Variants in RRAS2 observed in about 807,000 individuals in gnomAD.
RRAS2 encodes RAS related 2, also known as ras-related protein R-Ras2.
A neutral mutation model predicts 27.6 loss-of-function variants in RRAS2; 7 were observed. The observed-to-expected ratio is 0.25, with a 90% confidence interval of 0.14 to 0.48. The LOEUF (loss-of-function observed/expected upper bound fraction) is 0.48. Ranked by LOEUF, RRAS2 falls within the 20% of genes least tolerant of loss-of-function variation. The pLI is 0.99. For missense variants in RRAS2, 178 were observed against 256.2 expected, an observed-to-expected ratio of 0.69 and a Z score of 2.08; for synonymous variants, 86 against 90.9, an observed-to-expected ratio of 0.95 and a Z score of 0.31.
At chr11:14,341,295 T>G (rs1848700597) in intron 1 of RRAS2, among the ~76,000 whole-genome samples, 1 of 152,212 alleles carries the variant, frequency 6.6e-6, no homozygotes, top group Non-Finnish European at 1.5e-5. Context: ...AACTACATTA[T>G]GTGGGCATTT....
At position 14,316,030 on chromosome 11, in the gene RRAS2, A is replaced by C. The variant is rs1591466357; in HGVS notation, c.109-20175T>G. Among the ~76,000 whole-genome samples the C allele has an allele frequency of 3.5e-5, 4 of 114,744 alleles. No individual in the cohort carries two copies. The East Asian group carries it at 8.6e-4, about 25-fold the overall frequency. The allele number at this position is 114,744 out of a possible 152,430, so 75.3% of individuals were successfully genotyped here. On this transcript the variant is annotated intron_variant, in intron 1 of 5. Transcript: ENST00000256196. ...ATTAATTTTAAACTAATAAAAAGAC[A>C]AAAAAAACGTAGTTCAGAAGAGATT...
chr11:14,319,516 G>A (rs555928902), intron 1 of RRAS2, among the ~76,000 whole-genome samples: 25 of 151,698 alleles, frequency 1.6e-4, no homozygotes, highest in African/African-American at 6.0e-4. Context: ...CCGCCACCGC[G>A]CCCGGCTAAT....
At chr11:14,315,379 C>G (rs868945582) in intron 1 of RRAS2, among the ~76,000 whole-genome samples, 1 of 152,216 alleles carries the variant, frequency 6.6e-6, no homozygotes, top group Non-Finnish European at 1.5e-5. Context: ...GAGAAGAACA[C>G]TAGACACATT....
At chr11:14,352,933 G>C (rs1030453240) in intron 1 of RRAS2, among the ~76,000 whole-genome samples, 2 of 151,750 alleles carry the variant, frequency 1.3e-5, no homozygotes, top group Non-Finnish European at 2.9e-5. Flanking sequence ...GTAGTAGCTG[G>C]GATTGCAGGC....
At chr11:14,303,560 G>A (rs1847764681) in intron 1 of RRAS2, among the ~76,000 whole-genome samples, 1 of 152,090 alleles carries the variant, frequency 6.6e-6, no homozygotes, top group African/African-American at 2.4e-5. Flanking sequence ...GACAGAGAGA[G>A]ACCCCCATCT....
intron 1 of RRAS2, among the ~76,000 whole-genome samples, chr11:14,348,790 C>T (rs1848889485): frequency 6.6e-6 from 1 of 152,114 alleles, no homozygotes; most frequent in Non-Finnish European, 1.5e-5. Context: ...AAGGTTCCTT[C>T]CAGTAGAGAA....
At chr11:14,328,013 T>A (rs2134006146) in intron 1 of RRAS2, among the ~76,000 whole-genome samples, 1 of 152,172 alleles carries the variant, frequency 6.6e-6, no homozygotes, top group Admixed American at 6.5e-5. Flanking sequence ...CTTGACAGGA[T>A]TTTCTAAAAA....
At chr11:14,312,238 T>C (rs1847987205) in intron 1 of RRAS2, among the ~76,000 whole-genome samples, 1 of 152,166 alleles carries the variant, frequency 6.6e-6, no homozygotes, top group Non-Finnish European at 1.5e-5. Context: ...AGCATATCTA[T>C]CACAGCATAG....
chr11:14,345,437 C>G (rs1293687270), intron 1 of RRAS2, among the ~76,000 whole-genome samples: 1 of 152,100 alleles, frequency 6.6e-6, no homozygotes. Context: ...AGACAAAGCA[C>G]ACCAAATATA....
At chr11:14,305,513 T>C (rs992382172) in intron 1 of RRAS2, among the ~76,000 whole-genome samples, 2 of 152,312 alleles carry the variant, frequency 1.3e-5, no homozygotes, top group South Asian at 2.1e-4. Flanking sequence ...GGGTACCACT[T>C]GTATACCCCA....
At chr11:14,305,469 A>C (rs1405139865) in intron 1 of RRAS2, among the ~76,000 whole-genome samples, 1 of 152,178 alleles carries the variant, frequency 6.6e-6, no homozygotes, top group African/African-American at 2.4e-5. Context: ...GCCAGGCCTA[A>C]ACAAAACTTG....
chr11:14,354,179 AGAC>A lies in RRAS2; in HGVS notation c.108+4581_108+4583del, dbSNP rs1444010085. ...AAGCAATGAAAAAGTACTCAGCAAAAGACAAACTTTTAAAAAGCAATGCTGGGT... is the reference window on the plus strand; with the variant it reads ...AAGCAATGAAAAAGTACTCAGCAAAAAAACTTTTAAAAAGCAATGCTGGGT... On this transcript the variant is annotated intron_variant, in intron 1 of 5. Transcript: ENST00000256196. Among the ~76,000 whole-genome samples the A allele has an allele frequency of 1.1e-4, 16 of 152,214 alleles. 1 individual carries two copies. The highest frequency in any genetic ancestry group is 1.8e-4 in the Non-Finnish European group (12 of 68,044).
intron 1 of RRAS2, among the ~76,000 whole-genome samples, chr11:14,355,528 T>C (rs1849053805): frequency 6.6e-6 from 1 of 152,216 alleles, no homozygotes; most frequent in Non-Finnish European, 1.5e-5. Context: ...TTGTTATATT[T>C]ATTTTTAAAA....
intron 1 of RRAS2, among the ~76,000 whole-genome samples, chr11:14,313,974 G>C (rs1322754228): frequency 2.0e-5 from 3 of 152,118 alleles, no homozygotes. Context: ...AATTTAGCAA[G>C]TATTTTTAAT....
At chr11:14,355,746 T>G (rs1849059443) in intron 1 of RRAS2, among the ~76,000 whole-genome samples, 1 of 152,140 alleles carries the variant, frequency 6.6e-6, no homozygotes, top group Non-Finnish European at 1.5e-5. Flanking sequence ...CAGTCTGGTG[T>G]TTCAGGAGTC....
intron 1 of RRAS2, among the ~76,000 whole-genome samples, chr11:14,303,239 T>A (rs1461143717): frequency 2.0e-5 from 3 of 152,216 alleles, no homozygotes; most frequent in Non-Finnish European, 4.4e-5. Context: ...ACTATATAAT[T>A]GCTACTTACA....
At chr11:14,357,169 AAAT>A (rs1262959930) in intron 1 of RRAS2, among the ~76,000 whole-genome samples, 1 of 152,164 alleles carries the variant, frequency 6.6e-6, no homozygotes, top group African/African-American at 2.4e-5. Context: ...ACATGGGCTC[AAAT>A]AATTCAGATG....
chr11:14,312,412 G>GT (rs1463978074), intron 1 of RRAS2, among the ~76,000 whole-genome samples: 1 of 152,082 alleles, frequency 6.6e-6, no homozygotes, highest in Admixed American at 6.6e-5. Context: ...TCAGGCACTT[G>GT]TTTTTTGTTT....
intron 1 of RRAS2, among the ~76,000 whole-genome samples, chr11:14,311,803 G>A (rs536194171): frequency 1.6e-4 from 24 of 152,162 alleles, no homozygotes; most frequent in South Asian, 1.5e-3. Context: ...TGCAAACTAC[G>A]AAAGTTACAT....
Sources: allele counts gnomAD v4.1 joint callset (sites outside exome capture counted in the v4.1 genomes callset), GRCh38; gene constraint gnomAD v4.1.1; transcripts MANE v1.5; gene names NCBI Gene and HGNC (gene_info 2026-07-23, HGNC 2026-07-21).